Variants in VPS13C observed in about 807,000 individuals in gnomAD.
The protein encoded by VPS13C is intermembrane lipid transfer protein VPS13C.
A neutral mutation model predicts 456.8 loss-of-function variants in VPS13C; 358 were observed. The ratio of observed to expected loss-of-function variants is 0.78; its 90% confidence interval spans 0.72 to 0.86. VPS13C has a LOEUF of 0.86. Among genes scored for constraint, VPS13C ranks in the 40% least tolerant of loss-of-function variants. VPS13C has a pLI of 0.00. For synonymous variants in VPS13C, 1,578 were observed against 1,486.7 expected (o/e 1.06, Z -1.41); for missense variants, 4,818 against 4,385.4 (o/e 1.10, Z -2.79).
At position 61,873,245 on chromosome 15, in the gene VPS13C, CT is replaced by C. The variant is rs1895165328; in HGVS notation, c.10578del (p.Gly3527GlufsTer6). The C allele has an allele frequency of 6.2e-7, 1 of 1,613,320 alleles. No individual in the cohort carries two copies. Among genetic ancestry groups the C allele is most frequent in the East Asian group, 2.2e-5 (1 of 44,868 alleles). ...TCTTAAAGATTCAGCAAAGAACTTACTCGCAGAAAGCCCTTTCCTCCTCTGG... is the reference window on the plus strand; with the variant it reads ...TCTTAAAGATTCAGCAAAGAACTTACCGCAGAAAGCCCTTTCCTCCTCTGG... Reference protein sequence around the residue: ...SLARGGKGFLRGVVGGVTGII... With the variant: ...SLARGGKGFLXGVVGGVTGII... On this transcript the variant is annotated frameshift_variant and splice_region_variant, in exon 78 of 85. Coordinates refer to ENST00000644861, the MANE Select transcript of VPS13C (RefSeq NM_020821.3). LOFTEE classifies it high-confidence loss of function.
chr15:61,961,248 C>G (rs944874232), intron 35 of VPS13C, among the ~76,000 whole-genome samples: 8 of 151,666 alleles, frequency 5.3e-5, no homozygotes, highest in African/African-American at 1.9e-4. Context: ...AAAAATTAGC[C>G]AGGCATGGTA....
chr15:61,861,927 C>G (rs1446108441), intron 82 of VPS13C, among the ~76,000 whole-genome samples: 1 of 152,044 alleles, frequency 6.6e-6, no homozygotes, highest in Non-Finnish European at 1.5e-5. Context: ...TAACAAAACC[C>G]CGTCTCTAAT....
Position 61,994,195 on chromosome 15 carries a change from C to G in VPS13C, c.1354-2393G>C, listed in dbSNP as rs145641087. Among the ~76,000 whole-genome samples, 80 of 152,264 alleles carry G rather than the reference C, an allele frequency of 5.3e-4. 1 individual carries two copies. In the East Asian group the frequency reaches 0.015, roughly 28 times the overall value. On this transcript the variant is annotated intron_variant, in intron 16 of 84. Transcript: ENST00000644861. ...TGAAAAAAATCAATGTTAGATAGATCAAATTGCCTTCTCTTCTACATCCAT... is the reference window on the plus strand; with the variant it reads ...TGAAAAAAATCAATGTTAGATAGATGAAATTGCCTTCTCTTCTACATCCAT...
In VPS13C at chr15:61,867,685, G is replaced by A. The variant is rs1894690117; in HGVS notation, c.10863+974C>T. On this transcript the variant is annotated intron_variant, in intron 81 of 84. Coordinates refer to ENST00000644861, the MANE Select transcript of VPS13C (RefSeq NM_020821.3). The surrounding 1 kb of genome is among the most constrained non-coding windows in gnomAD (Gnocchi z 5.0). ...GCTTTCATCTATTAAACGCAGAAGA[G>A]AGCTGATTCTCTGCATCCTTTAATA... 7.6e-7 allele frequency: 1 copy of A among 1,314,836 alleles called. No homozygotes were observed. 81.4% of individuals were successfully genotyped at this position (1,314,836 alleles called of 1,614,324 possible).
At chr15:61,908,617 G>A (rs1399401138) in intron 65 of VPS13C, among the ~76,000 whole-genome samples, 1 of 152,070 alleles carries the variant, frequency 6.6e-6, no homozygotes, top group East Asian at 1.9e-4. Context: ...AGATTACCAG[G>A]AAAGGGAATA....
intron 68 of VPS13C, among the ~76,000 whole-genome samples, chr15:61,883,029 T>C (rs945178027): frequency 6.6e-6 from 1 of 151,894 alleles, no homozygotes; most frequent in African/African-American, 2.4e-5. Context: ...GATAATTCTT[T>C]CTTTCCTTTT....
At chr15:62,014,157 A>C (rs552360239) in intron 9 of VPS13C, among the ~76,000 whole-genome samples, 165 bp from the exon 10 acceptor site, 1 of 150,592 alleles carries the variant, frequency 6.6e-6, no homozygotes, top group East Asian at 1.9e-4. Flanking sequence ...GACAAAATCA[A>C]AGAAACAATG....
At chr15:61,860,663 A>C (rs1049983493) in intron 82 of VPS13C, among the ~76,000 whole-genome samples, 1 of 152,202 alleles carries the variant, frequency 6.6e-6, no homozygotes, top group African/African-American at 2.4e-5. Context: ...TGCTTTGGGA[A>C]GATGATGACA....
intron 47 of VPS13C, among the ~76,000 whole-genome samples, 180 bp from the exon 48 acceptor site, chr15:61,936,930 C>T (rs1596354039): frequency 6.6e-6 from 1 of 152,196 alleles, no homozygotes; most frequent in South Asian, 2.1e-4. Context: ...TGTGCACACA[C>T]ACTTCTGCCT....
intron 49 of VPS13C, among the ~76,000 whole-genome samples, chr15:61,933,981 C>A (rs1275845705): frequency 2.0e-5 from 3 of 151,952 alleles, no homozygotes; most frequent in African/African-American, 7.2e-5. Flanking sequence ...TGTTTTGGTG[C>A]TGATATTACT....
intron 40 of VPS13C, among the ~76,000 whole-genome samples, chr15:61,950,624 A>G (rs2044755963): frequency 6.6e-6 from 1 of 151,964 alleles, no homozygotes; most frequent in Non-Finnish European, 1.5e-5. Flanking sequence ...AAAAACTCTA[A>G]TTCCTTATCC....
At chr15:61,883,350 A>G (rs1896019425) in intron 68 of VPS13C, among the ~76,000 whole-genome samples, 1 of 151,950 alleles carries the variant, frequency 6.6e-6, no homozygotes, top group African/African-American at 2.4e-5. Context: ...AGATAATTCT[A>G]AACAAACTCT....
intron 66 of VPS13C, among the ~76,000 whole-genome samples, chr15:61,905,234 C>T (rs1295675326): frequency 1.3e-5 from 2 of 151,994 alleles, no homozygotes; most frequent in Non-Finnish European, 2.9e-5. Flanking sequence ...ACAGGTATCC[C>T]CCAAAATGTA....
chr15:61,925,649 C>A, intron 52 of VPS13C, 101 bp from the exon 53 acceptor site: 1 of 802,846 alleles, frequency 1.2e-6, no homozygotes, highest in South Asian at 3.8e-5. Flanking sequence ...TCTTTAACTA[C>A]AGCCTGCTAT....
At chr15:61,983,352 T>C (rs1454099896) in intron 20 of VPS13C, among the ~76,000 whole-genome samples, 2 of 152,202 alleles carry the variant, frequency 1.3e-5, no homozygotes, top group African/African-American at 2.4e-5. Context: ...GGTAAAGTCA[T>C]AGATACAGAA....
At chr15:61,861,144 G>T (rs1253716709) in intron 82 of VPS13C, among the ~76,000 whole-genome samples, 2 of 151,342 alleles carry the variant, frequency 1.3e-5, no homozygotes, top group African/African-American at 2.4e-5. Context: ...TGCATTTTTC[G>T]TAGAGATGAG....
chr15:61,915,005 A>T (rs2043423907), intron 61 of VPS13C, among the ~76,000 whole-genome samples: 1 of 152,134 alleles, frequency 6.6e-6, no homozygotes, highest in Non-Finnish European at 1.5e-5. Flanking sequence ...AAATGGTTAG[A>T]AAATCTTCAT....
chr15:61,896,778 T>C (rs1265199280), intron 66 of VPS13C, among the ~76,000 whole-genome samples: 3 of 152,170 alleles, frequency 2.0e-5, no homozygotes, highest in African/African-American at 4.8e-5. Flanking sequence ...CCTGCCTCTG[T>C]AGGCTCCACC....
intron 19 of VPS13C, 38 bp downstream of exon 19, chr15:61,984,819 C>A: frequency 6.3e-7 from 1 of 1,594,748 alleles, no homozygotes; most frequent in Middle Eastern, 1.7e-4. Flanking sequence ...AAAACTATAA[C>A]TAAAAGTAAA....
Sources: allele counts gnomAD v4.1 joint callset (sites outside exome capture counted in the v4.1 genomes callset), GRCh38; gene constraint gnomAD v4.1.1; non-coding constraint Gnocchi (gnomAD v3.1); transcripts MANE v1.5; gene names NCBI Gene and HGNC (gene_info 2026-07-23, HGNC 2026-07-21).